The following SPAG16 variants were observed in gnomAD, a reference collection of about 807,000 sequenced individuals.
SPAG16 encodes sperm-associated antigen 16 protein.
SPAG16 carries 86 observed loss-of-function variants against 80.4 expected under a neutral mutation model. The observed-to-expected ratio is 1.07, with a 90% CI of 0.90 to 1.28. The LOEUF is 1.28. Among genes scored for constraint, SPAG16 ranks in the 50% most tolerant of loss-of-function variants. The pLI is 0.00. For synonymous variants in SPAG16, 294 were observed against 265.9 expected (o/e 1.11, Z -1.03); for missense variants, 870 against 765.3 (o/e 1.14, Z -1.61).
At chr2:213,353,158 A>G (rs1176093035) in intron 7 of SPAG16, among the ~76,000 whole-genome samples, 1 of 152,200 alleles carries the variant, frequency 6.6e-6, no homozygotes, top group Non-Finnish European at 1.5e-5. Context: ...AGTTCTGGAT[A>G]GCTCCTGGAT....
chr2:213,443,473 A>G (rs2071109138), intron 9 of SPAG16, among the ~76,000 whole-genome samples: 2 of 152,342 alleles, frequency 1.3e-5, no homozygotes. Flanking sequence ...CCATGTTGTC[A>G]TAAATGACTG....
At chr2:213,776,158 T>C (rs1001656062) in intron 10 of SPAG16, among the ~76,000 whole-genome samples, 3 of 152,214 alleles carry the variant, frequency 2.0e-5, no homozygotes, top group Non-Finnish European at 2.9e-5. Context: ...AAAGGAACTT[T>C]GTGACAGTGA....
intron 15 of SPAG16, among the ~76,000 whole-genome samples, chr2:214,265,830 A>G (rs1691526404): frequency 6.6e-6 from 1 of 151,878 alleles, no homozygotes; most frequent in South Asian, 2.1e-4. Flanking sequence ...TTTTAATGTT[A>G]AGTTCTCAAA....
chr2:214,054,258 C>T (rs767550108), intron 13 of SPAG16, among the ~76,000 whole-genome samples: 2 of 152,148 alleles, frequency 1.3e-5, no homozygotes, highest in Non-Finnish European at 2.9e-5. Flanking sequence ...GATCCGCCTG[C>T]CTTGGCCTCC....
chr2:213,309,583 C>G (rs1213967624), intron 3 of SPAG16, among the ~76,000 whole-genome samples: 2 of 152,012 alleles, frequency 1.3e-5, no homozygotes. Context: ...AATCACACTC[C>G]TGCTGCAGGG....
intron 15 of SPAG16, among the ~76,000 whole-genome samples, chr2:214,335,681 G>A (rs1043222962): frequency 1.3e-5 from 2 of 150,428 alleles, no homozygotes; most frequent in Admixed American, 6.6e-5. Flanking sequence ...CGTTTATGGT[G>A]TCATATAAAT....
intron 12 of SPAG16, among the ~76,000 whole-genome samples, chr2:214,013,586 T>C (rs1375002298): frequency 6.6e-6 from 1 of 152,162 alleles, no homozygotes; most frequent in African/African-American, 2.4e-5. Flanking sequence ...AGAAAAGTAA[T>C]GACTGAAAAA....
intron 12 of SPAG16, among the ~76,000 whole-genome samples, chr2:213,931,115 CTTAG>C (rs889661400): frequency 1.3e-5 from 2 of 152,016 alleles, no homozygotes; most frequent in Non-Finnish European, 2.9e-5. Flanking sequence ...TTTTTAGTTA[CTTAG>C]TTAGCAACTT....
At chr2:214,219,627 T>A (rs551091113) in intron 15 of SPAG16, among the ~76,000 whole-genome samples, 2 of 152,282 alleles carry the variant, frequency 1.3e-5, no homozygotes, top group East Asian at 3.9e-4. Context: ...TGCCAGTTAC[T>A]TTTTTAGGCA....
chr2:214,342,091 G>T (rs1274529542), intron 15 of SPAG16, among the ~76,000 whole-genome samples: 1 of 152,176 alleles, frequency 6.6e-6, no homozygotes, highest in Non-Finnish European at 1.5e-5. Context: ...AAAAACTCAT[G>T]ATCTAAATCT....
intron 10 of SPAG16, among the ~76,000 whole-genome samples, chr2:213,591,792 TAAAA>T: frequency 6.6e-6 from 1 of 152,164 alleles, no homozygotes; most frequent in African/African-American, 2.4e-5. Flanking sequence ...TAAACTGACA[TAAAA>T]GGATTCTTGC....
At chr2:214,256,952 T>TA (rs1188309922) in intron 15 of SPAG16, among the ~76,000 whole-genome samples, 1 of 151,964 alleles carries the variant, frequency 6.6e-6, no homozygotes, top group African/African-American at 2.4e-5. Flanking sequence ...TCAATTTGTT[T>TA]AAAAAATTAT....
chr2:214,164,600 C>T (rs2056575718), intron 15 of SPAG16, among the ~76,000 whole-genome samples: 1 of 152,068 alleles, frequency 6.6e-6, no homozygotes, highest in Admixed American at 6.6e-5. Flanking sequence ...GGTCTTTATT[C>T]TAAAAAGAAG....
chr2:213,862,360 G>T, intron 10 of SPAG16, 125 bp from the exon 11 acceptor site: 1 of 1,191,124 alleles, frequency 8.4e-7, no homozygotes, highest in Admixed American at 2.0e-5. Flanking sequence ...CTTATTTTGG[G>T]GCCAGTACTC....
intron 9 of SPAG16, chr2:213,422,123 C>A: frequency 1.5e-6 from 1 of 689,052 alleles, no homozygotes; most frequent in South Asian, 1.5e-5. Context: ...TGACCCCCTG[C>A]TTGCCACTTT....
intron 9 of SPAG16, among the ~76,000 whole-genome samples, chr2:213,378,101 G>A (rs571583765): frequency 6.6e-6 from 1 of 152,200 alleles, no homozygotes; most frequent in South Asian, 2.1e-4. Context: ...CATGGAGAAA[G>A]ATGTAGGCTG....
chr2:213,717,317 C>A (rs993686675), intron 10 of SPAG16, among the ~76,000 whole-genome samples: 2 of 151,990 alleles, frequency 1.3e-5, no homozygotes, highest in Non-Finnish European at 2.9e-5. Flanking sequence ...CGCCACCAAG[C>A]CTGGCTAATT....
chr2:213,774,658 G>T (rs534689920), intron 10 of SPAG16, among the ~76,000 whole-genome samples: 1 of 152,134 alleles, frequency 6.6e-6, no homozygotes, highest in South Asian at 2.1e-4. Context: ...TTCTTCTCTG[G>T]TACCATCACT....
intron 15 of SPAG16, among the ~76,000 whole-genome samples, chr2:214,227,598 T>G (rs1036853830): frequency 6.6e-6 from 1 of 151,860 alleles, no homozygotes; most frequent in Non-Finnish European, 1.5e-5. Flanking sequence ...CTATAGCAGT[T>G]CTCTCTTTTC....
Sources: gnomAD v4.1 joint callset for allele counts (sites outside exome capture counted in the v4.1 genomes callset) on GRCh38, gnomAD v4.1.1 for gene constraint, MANE v1.5 for transcripts, NCBI Gene and HGNC (gene_info 2026-07-23, HGNC 2026-07-21) for gene names.